The following ANKRD50 variants were observed in gnomAD, a reference collection of about 807,000 sequenced individuals.
ANKRD50 encodes ankyrin repeat domain 50.
A neutral mutation model predicts 112.0 loss-of-function variants in ANKRD50; 40 were observed. The observed-to-expected ratio is 0.36, with a 90% CI of 0.28 to 0.46. The LOEUF (loss-of-function observed/expected upper bound fraction) is 0.46. Ranked by LOEUF, ANKRD50 falls within the 20% of genes least tolerant of loss-of-function variation. ANKRD50 has a pLI of 1.00. For missense variants in ANKRD50, 1,487 were observed against 1,701.7 expected, an observed-to-expected ratio of 0.87 and a Z score of 2.22; for synonymous variants, 613 against 619.1, an observed-to-expected ratio of 0.99 and a Z score of 0.15.
chr4:124,670,668 C>A lies in ANKRD50; in HGVS notation c.2609G>T (p.Gly870Val), dbSNP rs754816843. ...ATTGTCAATCTCATTTGTTCTAGCA[C>A]CTTGTTCAATAAGTGCTTCACATAT... is the stretch of plus-strand genomic sequence containing the variant. ...RLICEALIEQ[G>V]ARTNEIDNDG... is the part of the protein sequence containing the mutation. The change falls in exon 4 of 5, where the codon GGT (glycine) becomes GTT (valine). Residue 870 changes from glycine to valine, a missense_variant. Physicochemically the swap from Gly to Val is moderately radical, Grantham distance 109. Transcript: ENST00000504087. The A allele has an allele frequency of 6.2e-7, 1 of 1,613,342 alleles. No individual in the cohort carries two copies. The highest frequency in any genetic ancestry group is 8.5e-7 in the Non-Finnish European group (1 of 1,179,756).
chr4:124,669,421 C>T lies in ANKRD50; in HGVS notation c.3856G>A (p.Ala1286Thr). Residue 1286 changes from alanine (A) to threonine (T), a missense_variant, in exon 4 of 5, where the codon GCG becomes ACG. Physicochemically the swap from Ala to Thr is moderately conservative, Grantham distance 58 (BLOSUM62 0). Coordinates refer to ENST00000504087, the MANE Select transcript of ANKRD50 (RefSeq NM_020337.3). ...GGCTGTGAAGAATTACTTTGTTTCG[C>T]TTTTTTCCCAGCTGATCCAGACTTG... Reference protein sequence around the residue: ...SAKSGSAGKKAKQSNSSQPKV... With the variant: ...SAKSGSAGKKTKQSNSSQPKV... 3.1e-6 allele frequency: 5 copies of T among 1,613,054 alleles called. No homozygotes were observed. The highest frequency in any genetic ancestry group is 4.5e-5 in the East Asian group (2 of 44,840).
At chr4:124,675,898 GA>G (rs1457622210) in intron 3 of ANKRD50, among the ~76,000 whole-genome samples, 5 of 151,744 alleles carry the variant, frequency 3.3e-5, no homozygotes, top group African/African-American at 1.2e-4. Context: ...AGCCATTAAT[GA>G]AAATGCTACT....
chr4:124,688,919 C>A (rs1725068328), intron 2 of ANKRD50, among the ~76,000 whole-genome samples: 1 of 152,144 alleles, frequency 6.6e-6, no homozygotes, highest in Non-Finnish European at 1.5e-5. Context: ...GGAATTTCCA[C>A]CACTCCTCAC....
chr4:124,703,606 ACTCAAGTCTGTAAGATTACTGC>A (rs975398017), intron 2 of ANKRD50, among the ~76,000 whole-genome samples: 1 of 152,094 alleles, frequency 6.6e-6, no homozygotes, highest in African/African-American at 2.4e-5. Flanking sequence ...ACAGCAGCTG[ACTCAAGTCTGTAAGATTACTGC>A]CTCAAAGGAA....
chr4:124,682,322 CAAAAAAAAAA>C (rs36107017), intron 2 of ANKRD50, among the ~76,000 whole-genome samples: 9 of 87,542 alleles, frequency 1.0e-4, no homozygotes, highest in African/African-American at 3.2e-4. Context: ...GACTCCGTCT[CAAAAAAAAAA>C]AAAAAAAAAA....
intron 2 of ANKRD50, among the ~76,000 whole-genome samples, chr4:124,691,259 G>A (rs918241345): frequency 2.0e-5 from 3 of 151,966 alleles, no homozygotes; most frequent in Admixed American, 6.6e-5. Context: ...TTGGGAGGCC[G>A]AGGCGGGTGG....
intron 2 of ANKRD50, among the ~76,000 whole-genome samples, chr4:124,688,283 A>C (rs1725051337): frequency 6.6e-6 from 1 of 152,192 alleles, no homozygotes; most frequent in South Asian, 2.1e-4. Context: ...TGCACATACT[A>C]TTGCATTTAC....
At chr4:124,685,814 C>A (rs1488280313) in intron 2 of ANKRD50, among the ~76,000 whole-genome samples, 1 of 151,958 alleles carries the variant, frequency 6.6e-6, no homozygotes, top group Non-Finnish European at 1.5e-5. Context: ...TTTCACTTGT[C>A]TTGAAAATGA....
Position 124,670,939 on chromosome 4 carries a change from T to C in ANKRD50, c.2338A>G (p.Asn780Asp). 1 of 1,613,876 alleles carries C rather than the reference T, an allele frequency of 6.2e-7. No individual in the cohort carries two copies. The highest frequency in any genetic ancestry group is 1.1e-5 in the South Asian group (1 of 91,084). ...GCTGCTAAGAGGGGTGTACGGCCATTGTTATCTGTGTGATCTACATCTGCT... is the reference window on the plus strand; with the variant it reads ...GCTGCTAAGAGGGGTGTACGGCCATCGTTATCTGTGTGATCTACATCTGCT... ...GGADVDHTDN[N>D]GRTPLLAAAS... The change falls in exon 4 of 5, where the codon AAT becomes GAT. Residue 780 changes from asparagine to aspartate, a missense_variant. Transcript: ENST00000504087.
intron 2 of ANKRD50, among the ~76,000 whole-genome samples, chr4:124,695,712 G>A (rs944499269): frequency 1.3e-5 from 2 of 152,146 alleles, no homozygotes; most frequent in African/African-American, 4.8e-5. Context: ...TATGTTGGGG[G>A]AAAGAACTGA....
At position 124,669,990 on chromosome 4, in the gene ANKRD50, A is replaced by G. The variant is rs1420290130; in HGVS notation, c.3287T>C (p.Leu1096Ser). Reference sequence around the variant, plus strand: ...ACTAGATGCACCATATTTTTCTAATAATTTAATTATCTGAGAATGTCCATT... The same window carrying G: ...ACTAGATGCACCATATTTTTCTAATGATTTAATTATCTGAGAATGTCCATT... Reference protein sequence around the residue: ...AKNGHSQIIKLLEKYGASSLN... With the variant: ...AKNGHSQIIKSLEKYGASSLN... The change falls in exon 4 of 5, where the codon TTA becomes TCA. Residue 1096 changes from leucine (L) to serine (S), a missense_variant. Physicochemically the swap from Leu to Ser is moderately radical, Grantham distance 145 (BLOSUM62 -2). This residue lies in a region of ANKRD50 where 441 missense variants were observed against 432.2 expected (regional missense o/e 1.02). Transcript: ENST00000504087. 1.2e-6 allele frequency: 2 copies of G among 1,608,762 alleles called. No homozygotes were observed. Among genetic ancestry groups the G allele is most frequent in the East Asian group, 4.5e-5 (2 of 44,830 alleles).
rs191964676 is a variant in ANKRD50, at chr4:124,677,434, A to G, written c.742+1242T>C. ...AAAAAGAGATTTATTGATGGGAAGG[A>G]GTACTATCTACCAATTAAAACCAAT... is the stretch of plus-strand genomic sequence containing the variant. On this transcript the variant is annotated intron_variant, in intron 3 of 4. Transcript: ENST00000504087. 3.2e-4 allele frequency among the ~76,000 whole-genome samples: 49 copies of G among 151,978 alleles called. 1 individual carries two copies. The East Asian group carries it at 9.3e-3, about 29-fold the overall frequency.
chr4:124,675,674 G>A (rs1426056224), intron 3 of ANKRD50, among the ~76,000 whole-genome samples: 2 of 151,680 alleles, frequency 1.3e-5, no homozygotes, highest in East Asian at 1.9e-4. Context: ...TCTAAATGGA[G>A]CCTGTAATAC....
intron 2 of ANKRD50, among the ~76,000 whole-genome samples, chr4:124,695,513 C>T (rs1246847351): frequency 6.6e-6 from 1 of 152,136 alleles, no homozygotes; most frequent in East Asian, 1.9e-4. Context: ...TACTTAAATT[C>T]CGGGCCATGC....
At chr4:124,675,576 C>G (rs1256910634) in intron 3 of ANKRD50, among the ~76,000 whole-genome samples, 1 of 151,586 alleles carries the variant, frequency 6.6e-6, no homozygotes, top group Non-Finnish European at 1.5e-5. Flanking sequence ...GGAACATATA[C>G]AGAATTTAAC....
intron 2 of ANKRD50, among the ~76,000 whole-genome samples, chr4:124,699,291 T>C (rs1026850815): frequency 6.6e-6 from 1 of 151,948 alleles, no homozygotes; most frequent in Non-Finnish European, 1.5e-5. Flanking sequence ...TACATGTATG[T>C]TTGCTTTCCT....
intron 2 of ANKRD50, among the ~76,000 whole-genome samples, chr4:124,686,714 CT>C (rs1308217257): frequency 6.6e-6 from 1 of 152,152 alleles, no homozygotes; most frequent in African/African-American, 2.4e-5. Flanking sequence ...ATTCTCTGCC[CT>C]CACTGCTGAG....
intron 2 of ANKRD50, among the ~76,000 whole-genome samples, chr4:124,690,489 C>CA (rs1417232940): frequency 6.6e-6 from 1 of 151,746 alleles, no homozygotes; most frequent in African/African-American, 2.4e-5. Context: ...AGCATTTCCC[C>CA]AAAAATGTAC....
In ANKRD50 at chr4:124,670,387, A is replaced by G. The variant is rs1315920048; in HGVS notation, c.2890T>C (p.Tyr964His). 2 of 1,613,792 alleles carry G rather than the reference A, an allele frequency of 1.2e-6. No homozygotes were observed. The highest frequency in any genetic ancestry group is 3.3e-5 in the Admixed American group (2 of 59,940). The change falls in exon 4 of 5, where the codon TAT becomes CAT. Residue 964 changes from tyrosine (Y) to histidine (H), a missense_variant. Physicochemically the swap from Tyr to His is moderately conservative, Grantham distance 83 (BLOSUM62 2). Around this residue, in one of 2 missense-constraint regions of ANKRD50, gnomAD observed 1,046 missense variants for 1,269.5 expected, o/e 0.82. Transcript: ENST00000504087. The part of the protein sequence containing the change: ...ALENQLTMAE[Y>H]FLENGANVEA... ...ACGTTTGCACCATTTTCTAAAAAATATTCGGCCATTGTAAGCTGATTTTCT... is the reference window on the plus strand; with the variant it reads ...ACGTTTGCACCATTTTCTAAAAAATGTTCGGCCATTGTAAGCTGATTTTCT...
Sources: allele counts gnomAD v4.1 joint callset (sites outside exome capture counted in the v4.1 genomes callset), GRCh38; gene constraint gnomAD v4.1.1; regional missense constraint gnomAD v4.1.1; transcripts MANE v1.5; gene names NCBI Gene and HGNC (gene_info 2026-07-23, HGNC 2026-07-21).